The following STAB2 variants were observed in gnomAD, a reference collection of about 807,000 sequenced individuals.
STAB2 encodes the protein stabilin 2, also known as stabilin-2.
In STAB2, 288 loss-of-function variants were observed where a neutral mutation model predicts 338.1. The observed-to-expected ratio is 0.85, with a 90% CI of 0.77 to 0.94. STAB2 has a LOEUF of 0.94. Ranked by LOEUF, STAB2 falls within the 40% of genes least tolerant of loss-of-function variation. The pLI, the probability that STAB2 is intolerant of heterozygous loss-of-function variation, is 0.00. For synonymous variants in STAB2, 1,202 were observed against 1,193.3 expected (o/e 1.01, Z -0.15); for missense variants, 3,141 against 3,210.1 (o/e 0.98, Z 0.52).
At chr12:103,725,158 A>G in intron 45 of STAB2, 64 bp downstream of exon 45, 1 of 1,584,586 alleles carries the variant, frequency 6.3e-7, no homozygotes, top group Non-Finnish European at 8.6e-7. Context: ...GAATCCAGGT[A>G]GCTAAGGAGT....
At chr12:103,725,754 G>A (rs1427610477) in intron 45 of STAB2, among the ~76,000 whole-genome samples, 1 of 152,176 alleles carries the variant, frequency 6.6e-6, no homozygotes, top group African/African-American at 2.4e-5. Context: ...TTTAAAGAGG[G>A]ACAAAAATGT....
intron 55 of STAB2, 143 bp from the exon 56 acceptor site, chr12:103,742,262 G>A: frequency 9.6e-7 from 1 of 1,040,304 alleles, no homozygotes; most frequent in Non-Finnish European, 1.4e-6. Flanking sequence ...ATAGGCCAGT[G>A]ACGTGCCTTA....
Position 103,695,759 on chromosome 12 carries a change from T to C in STAB2, c.3497T>C (p.Ile1166Thr), listed in dbSNP as rs763594693. 49 of 1,614,064 alleles carry C rather than the reference T, an allele frequency of 3.0e-5. No homozygotes were observed. Among genetic ancestry groups the C allele is most frequent in the Non-Finnish European group, 3.9e-5 (46 of 1,180,008 alleles). ...YIIQYNLANA[I>T]EAADAYTVFA... ...CAGCAATATAATCTGGCGAATGCAA[T>C]TGAGGCTGCCGATGCCTACACAGTG... Residue 1166 changes from isoleucine to threonine, a missense_variant, in exon 33 of 69, where the codon ATT becomes ACT. Ile to Thr is a moderately conservative substitution (Grantham distance 89). Transcript: ENST00000388887.
Position 103,766,612 on chromosome 12 carries a change from A to ATCTT in STAB2, c.*281_*284dup. 2.5e-6 allele frequency: 1 copy of ATCTT among 401,368 alleles called. No homozygotes were observed. 24.9% of individuals were successfully genotyped at this position (401,368 alleles called of 1,614,324 possible). On this transcript the variant is annotated 3_prime_UTR_variant, in exon 69 of 69. Transcript: ENST00000388887. ...CTGCCCTACATGATGGGTAACTGTG[A>ATCTT]TCTTTCTTCCCTGTTAGATTGTAAG... is the stretch of plus-strand genomic sequence containing the variant.
intron 59 of STAB2, among the ~76,000 whole-genome samples, chr12:103,749,991 G>A (rs1883480946): frequency 6.6e-6 from 1 of 152,066 alleles, no homozygotes; most frequent in South Asian, 2.1e-4. Flanking sequence ...GGACTGACAA[G>A]CTGTGTGACC....
chr12:103,717,554 T>C (rs1249814223), intron 43 of STAB2, among the ~76,000 whole-genome samples: 1 of 152,196 alleles, frequency 6.6e-6, no homozygotes, highest in Non-Finnish European at 1.5e-5. Flanking sequence ...AGATAGGATG[T>C]GCATGAGATC....
chr12:103,719,258 G>C (rs1351243489), intron 44 of STAB2, among the ~76,000 whole-genome samples: 1 of 152,152 alleles, frequency 6.6e-6, no homozygotes, highest in African/African-American at 2.4e-5. Context: ...CTTGCCAGGG[G>C]TCAGCCACTG....
At chr12:103,593,366 A>C (rs1006017931) in intron 2 of STAB2, among the ~76,000 whole-genome samples, 1 of 152,142 alleles carries the variant, frequency 6.6e-6, no homozygotes, top group African/African-American at 2.4e-5. Context: ...TAACCATCGT[A>C]ATAGTTGTGA....
intron 5 of STAB2, among the ~76,000 whole-genome samples, chr12:103,624,443 A>G (rs1957350082): frequency 1.3e-5 from 2 of 152,238 alleles, no homozygotes; most frequent in Admixed American, 6.5e-5. Flanking sequence ...TCATGGAGAC[A>G]TAGGTAAGTT....
intron 52 of STAB2, among the ~76,000 whole-genome samples, chr12:103,736,804 C>A (rs879772140): frequency 2.0e-5 from 3 of 152,116 alleles, no homozygotes; most frequent in Non-Finnish European, 2.9e-5. Flanking sequence ...CACTGAGTCA[C>A]ACTATCTCCA....
At chr12:103,720,321 C>T (rs1223585838) in intron 44 of STAB2, among the ~76,000 whole-genome samples, 1 of 152,058 alleles carries the variant, frequency 6.6e-6, no homozygotes, top group Non-Finnish European at 1.5e-5. Flanking sequence ...CAGCATATTC[C>T]CATGGGAATT....
At chr12:103,684,397 T>C (rs1877208063) in intron 26 of STAB2, among the ~76,000 whole-genome samples, 1 of 152,110 alleles carries the variant, frequency 6.6e-6, no homozygotes, top group Admixed American at 6.5e-5. Flanking sequence ...ACTAATTCTC[T>C]GATAGAAGAA....
chr12:103,675,846 C>A, intron 23 of STAB2, 82 bp from the exon 24 acceptor site: 1 of 1,110,100 alleles, frequency 9.0e-7, no homozygotes, highest in Non-Finnish European at 1.3e-6. Context: ...TGGCCAGGAA[C>A]TGGCTCATCT....
intron 3 of STAB2, among the ~76,000 whole-genome samples, chr12:103,613,061 G>A (rs1303221902): frequency 6.6e-6 from 1 of 152,158 alleles, no homozygotes; most frequent in East Asian, 1.9e-4. Context: ...TTGTCTCAGA[G>A]GGCTACCCGG....
At chr12:103,751,111 T>C (rs1375898726) in intron 60 of STAB2, among the ~76,000 whole-genome samples, 2 of 152,164 alleles carry the variant, frequency 1.3e-5, no homozygotes, top group African/African-American at 4.8e-5. Context: ...CAGAGGGACT[T>C]CAGTGGTTCA....
At chr12:103,684,742 G>C (rs911140238) in intron 26 of STAB2, among the ~76,000 whole-genome samples, 2 of 152,194 alleles carry the variant, frequency 1.3e-5, no homozygotes, top group Admixed American at 6.5e-5. Context: ...ATTTAACTGT[G>C]CATCCTGTAT....
intron 56 of STAB2, 33 bp downstream of exon 56, chr12:103,742,587 G>C: frequency 6.2e-7 from 1 of 1,613,164 alleles, no homozygotes; most frequent in Non-Finnish European, 8.5e-7. Context: ...GCTAGAGCTT[G>C]TTTTTTGACT....
At chr12:103,753,008 C>T (rs566041727) in intron 60 of STAB2, among the ~76,000 whole-genome samples, 1 of 152,234 alleles carries the variant, frequency 6.6e-6, no homozygotes, top group Admixed American at 6.5e-5. Context: ...TTCTGTATTG[C>T]CCTAATTTCT....
At position 103,648,671 on chromosome 12, in the gene STAB2, C is replaced by G. The variant is rs1309581714; in HGVS notation, c.1041-19C>G. On this transcript the variant is annotated intron_variant, in intron 9 of 68. Transcript: ENST00000388887. ...AATGGCTCTAAAACCCTGAGGATGT[C>G]TTTTCCCCCTCTCTGTAGATGCATT... The G allele has an allele frequency of 1.2e-6, 2 of 1,611,262 alleles. No individual in the cohort carries two copies. Among genetic ancestry groups the G allele is most frequent in the Non-Finnish European group, 1.7e-6 (2 of 1,178,736 alleles).
Sources: allele counts gnomAD v4.1 joint callset (sites outside exome capture counted in the v4.1 genomes callset), GRCh38; gene constraint gnomAD v4.1.1; transcripts MANE v1.5; gene names NCBI Gene and HGNC (gene_info 2026-07-23, HGNC 2026-07-21).